The following TMEM44 variants were observed in gnomAD, a reference collection of about 807,000 sequenced individuals.
TMEM44 encodes the protein transmembrane protein 44.
A neutral mutation model predicts 47.8 loss-of-function variants in TMEM44; 43 were observed. The ratio of observed to expected loss-of-function variants is 0.90; its 90% CI spans 0.70 to 1.16. TMEM44 has a LOEUF of 1.16. Among genes scored for constraint, TMEM44 ranks in the 50% most tolerant of loss-of-function variants. The probability of loss-of-function intolerance (pLI) is 0.00; values close to 1 mark genes in which losing one functional copy is unlikely to be tolerated. For missense variants in TMEM44, 568 were observed against 555.2 expected (o/e 1.02, Z -0.23); for synonymous variants, 277 against 238.8 (o/e 1.16, Z -1.48).
intron 9 of TMEM44, chr3:194,590,017 CA>C (rs1177547674): frequency 1.3e-5 from 2 of 152,244 alleles, no homozygotes; most frequent in African/African-American, 4.8e-5. Context: ...TCTGCCTGGG[CA>C]GACGATCTAT....
intron 7 of TMEM44, among the ~76,000 whole-genome samples, chr3:194,615,261 A>AAAAAAT (rs1385857546): frequency 2.6e-5 from 4 of 152,082 alleles, no homozygotes; most frequent in Non-Finnish European, 5.9e-5. Context: ...ATAGATTAAA[A>AAAAAAT]AAAAATAAAA....
At chr3:194,604,617 C>G (rs1317191049) in intron 8 of TMEM44, among the ~76,000 whole-genome samples, 172 bp from the exon 9 acceptor site, 1 of 152,244 alleles carries the variant, frequency 6.6e-6, no homozygotes, top group Non-Finnish European at 1.5e-5. Flanking sequence ...GCAGCCAGTG[C>G]CCTGTGTCTT....
chr3:194,616,001 A>G (rs992245667), intron 6 of TMEM44, among the ~76,000 whole-genome samples: 2 of 152,114 alleles, frequency 1.3e-5, no homozygotes, highest in Admixed American at 1.3e-4. Flanking sequence ...GTGACAATAC[A>G]TGCAGTGGGT....
At chr3:194,627,094 T>A (rs150317407) in intron 2 of TMEM44, among the ~76,000 whole-genome samples, 3 of 152,222 alleles carry the variant, frequency 2.0e-5, no homozygotes, top group Admixed American at 2.0e-4. Flanking sequence ...GCTAGTTTTC[T>A]CCATGTTGGC....
intron 2 of TMEM44, among the ~76,000 whole-genome samples, chr3:194,627,548 G>A (rs1252358988): frequency 6.6e-6 from 1 of 152,206 alleles, no homozygotes; most frequent in African/African-American, 2.4e-5. Flanking sequence ...ATAAGCTGGG[G>A]CTGGGTCAAA....
chr3:194,601,382 G>A (rs1440845818), intron 9 of TMEM44, among the ~76,000 whole-genome samples: 2 of 149,244 alleles, frequency 1.3e-5, no homozygotes, highest in Non-Finnish European at 3.0e-5. Context: ...TCTGCTTACC[G>A]AAACCTCCGC....
chr3:194,591,264 G>A (rs1358093241), intron 9 of TMEM44, among the ~76,000 whole-genome samples: 2 of 151,670 alleles, frequency 1.3e-5, no homozygotes, highest in Admixed American at 6.6e-5. Flanking sequence ...AGGCTGAGGC[G>A]GGTGGATCAC....
chr3:194,603,014 T>A (rs13068077), intron 9 of TMEM44, among the ~76,000 whole-genome samples: 79,080 of 152,118 alleles, frequency 0.52, 22,647 homozygotes, highest in East Asian at 0.78. Flanking sequence ...CACAAACTCA[T>A]AACGGAAGAC....
chr3:194,615,771 A>C, intron 6 of TMEM44, 74 bp from the exon 7 acceptor site: 2 of 1,559,128 alleles, frequency 1.3e-6, no homozygotes, highest in Non-Finnish European at 8.7e-7. Context: ...CCTCCACACC[A>C]TGCTGCCACC....
intron 8 of TMEM44, among the ~76,000 whole-genome samples, chr3:194,609,946 C>T (rs1484772064): frequency 6.6e-6 from 1 of 152,072 alleles, no homozygotes; most frequent in Non-Finnish European, 1.5e-5. Flanking sequence ...ATGATAGACA[C>T]GGCCGGACGC....
chr3:194,595,487 T>A (rs562474982), intron 9 of TMEM44, among the ~76,000 whole-genome samples: 1 of 152,298 alleles, frequency 6.6e-6, no homozygotes, highest in East Asian at 1.9e-4. Flanking sequence ...CAGAAACCAT[T>A]TGTCCAACTC....
chr3:194,633,212 C>T lies in TMEM44; in HGVS notation c.4G>A (p.Gly2Arg), dbSNP rs1333030828. 4.2e-6 allele frequency: 6 copies of T among 1,433,288 alleles called. No individual in the cohort carries two copies. The East Asian group carries it at 1.2e-4, about 29-fold the overall frequency. 88.8% of individuals were successfully genotyped at this position (1,433,288 alleles called of 1,614,324 possible). ...GCGGGCGCGGGGCTGGGCGCCTCCC[C>T]CATGGCGCGGCTGGGCGCGCGGCGC... is the stretch of plus-strand genomic sequence containing the variant. Reference protein sequence around the residue: MGEAPSPAPALW... With the variant: MREAPSPAPALW... Residue 2 changes from glycine to arginine, a missense_variant, in exon 1 of 10, where the codon GGG (glycine) becomes AGG (arginine). Gly to Arg is a moderately radical substitution (Grantham distance 125, BLOSUM62 -2). Coordinates refer to ENST00000347147, the MANE Select transcript of TMEM44 (RefSeq NM_001011655.3).
chr3:194,596,683 C>T (rs551889666), intron 9 of TMEM44, among the ~76,000 whole-genome samples: 6 of 152,038 alleles, frequency 3.9e-5, no homozygotes, highest in East Asian at 1.9e-4. Flanking sequence ...CTCAGCTACT[C>T]GGGAGGCTGA....
intron 9 of TMEM44, among the ~76,000 whole-genome samples, chr3:194,596,637 C>T (rs998403501): frequency 2.0e-5 from 3 of 151,986 alleles, no homozygotes; most frequent in Non-Finnish European, 4.4e-5. Context: ...ACTAAAAATA[C>T]AAAATTAGCC....
intron 5 of TMEM44, among the ~76,000 whole-genome samples, chr3:194,621,175 C>T (rs576960757): frequency 8.5e-5 from 13 of 152,072 alleles, no homozygotes; most frequent in East Asian, 1.9e-4. Context: ...AGGAGCAAGT[C>T]GGACACAGAA....
intron 1 of TMEM44, among the ~76,000 whole-genome samples, chr3:194,631,520 C>T (rs1717826230): frequency 6.6e-6 from 1 of 152,230 alleles, no homozygotes; most frequent in Middle Eastern, 3.4e-3. Context: ...CAGTCTGGGC[C>T]CTGGGCTCCT....
chr3:194,623,429 A>G, intron 4 of TMEM44, 100 bp downstream of exon 4: 2 of 1,507,656 alleles, frequency 1.3e-6, no homozygotes, highest in Non-Finnish European at 1.8e-6. Flanking sequence ...CCAACAAAGG[A>G]AGGCTTAACC....
intron 1 of TMEM44, among the ~76,000 whole-genome samples, chr3:194,630,091 GGGCT>G (rs1717633907): frequency 8.8e-6 from 1 of 114,102 alleles, no homozygotes; most frequent in Non-Finnish European, 1.8e-5. Flanking sequence ...CCTCCCGAAG[GGGCT>G]GGCTGTTTCC....
At chr3:194,615,439 C>T (rs1182038458) in intron 7 of TMEM44, 130 bp downstream of exon 7, 2 of 1,303,106 alleles carry the variant, frequency 1.5e-6, no homozygotes, top group African/African-American at 3.0e-5. Flanking sequence ...GGACAGCTGT[C>T]TGAGTCGCCT....
Sources: allele counts gnomAD v4.1 joint callset (sites outside exome capture counted in the v4.1 genomes callset), GRCh38; gene constraint gnomAD v4.1.1; transcripts MANE v1.5; gene names NCBI Gene and HGNC (gene_info 2026-07-23, HGNC 2026-07-21).